The following POTEB3 variants were observed in gnomAD, a reference collection of about 807,000 sequenced individuals.
POTEB3 encodes POTE ankyrin domain family member B3, also known as ANKRD26-like family B member 1.
A neutral mutation model predicts 39.8 loss-of-function variants in POTEB3; 5 were observed. The ratio of observed to expected loss-of-function variants is 0.13; its 90% confidence interval spans 0.07 to 0.26. The LOEUF is 0.26. POTEB3 is among the 10% of genes least tolerant of loss of function. The pLI, the probability that POTEB3 is intolerant of heterozygous loss-of-function variation, is 1.00. For missense variants in POTEB3, 24 were observed against 475.6 expected (o/e 0.05, Z 8.83); for synonymous variants, 5 against 161.5 (o/e 0.03, Z 7.35).
At chr15:21,428,408 T>C (rs1409566102) in intron 5 of POTEB3, among the ~76,000 whole-genome samples, 1 of 144,894 alleles carries the variant, frequency 6.9e-6, no homozygotes, top group Non-Finnish European at 1.5e-5. Flanking sequence ...TGTAACTAAA[T>C]TTTTTCATAA....
chr15:21,434,064 C>A (rs200289736), intron 3 of POTEB3, among the ~76,000 whole-genome samples: 5,767 of 92,384 alleles, frequency 0.062, 108 homozygotes, highest in African/African-American at 0.17. Flanking sequence ...CACACACACA[C>A]AAACAAAAAC....
chr15:21,409,978 C>CA (rs1391148765), intron 10 of POTEB3, among the ~76,000 whole-genome samples: 3 of 48,736 alleles, frequency 6.2e-5, no homozygotes, highest in African/African-American at 2.0e-4. Flanking sequence ...ATCTAGAATA[C>CA]ACACACACAC....
chr15:21,420,024 A>G (rs1414507075), intron 8 of POTEB3, among the ~76,000 whole-genome samples: 1 of 91,556 alleles, frequency 1.1e-5, no homozygotes, highest in Non-Finnish European at 2.2e-5. Flanking sequence ...TTCTGTCTTT[A>G]CCACCTAGAT....
intron 6 of POTEB3, among the ~76,000 whole-genome samples, chr15:21,423,362 G>T (rs1488090532): frequency 7.2e-5 from 6 of 83,124 alleles, no homozygotes; most frequent in Non-Finnish European, 1.5e-4. Context: ...CTCCCAAAAT[G>T]CTGCAATTAC....
rs1441449338 is a variant in POTEB3 at position 21,407,565 on chromosome 15, G to T, written c.*1418C>A. 1.2e-5 allele frequency among the ~76,000 whole-genome samples: 1 copy of T among 86,382 alleles called. No individual in the cohort carries two copies. The highest frequency in any genetic ancestry group is 3.0e-4 in the East Asian group (1 of 3,342). The allele number at this position is 86,382 out of a possible 152,430, so 56.7% of individuals were successfully genotyped here. On this transcript the variant is annotated 3_prime_UTR_variant, in exon 11 of 11. Coordinates refer to ENST00000611217, the MANE Select transcript of POTEB3 (RefSeq NM_207355.5). ...ACGGTCTGCTTGTACAGAAGCTATG[G>T]TGTGGGCACCCAAAAGTGCCCTCTA...
chr15:21,413,550 A>ATATGTATG (rs1555369173), intron 9 of POTEB3, among the ~76,000 whole-genome samples: 2 of 27,204 alleles, frequency 7.4e-5, no homozygotes, highest in East Asian at 1.3e-3. Context: ...ATATATATAT[A>ATATGTATG]TATGTATGTA....
Position 21,406,152 on chromosome 15 carries a change from G to A in POTEB3, c.*2831C>T, listed in dbSNP as rs7165553. Among the ~76,000 whole-genome samples, 4 of 69,776 alleles carry A rather than the reference G, an allele frequency of 5.7e-5. No homozygotes were observed. Among genetic ancestry groups the A allele is most frequent in the South Asian group, 7.0e-4 (2 of 2,850 alleles). The allele number at this position is 69,776 out of a possible 152,430, so 45.8% of individuals were successfully genotyped here. A position where few individuals can be genotyped will look rare whatever the true frequency, so the allele number is the denominator to read the frequency against. The stretch of plus-strand genomic sequence containing the variant: ...TCGTTTATATAATCCCATATTTCTC[G>A]GATGTTTTGTTCATTCCCTTTCATT... On this transcript the variant is annotated 3_prime_UTR_variant, in exon 11 of 11. Coordinates refer to ENST00000611217, the MANE Select transcript of POTEB3 (RefSeq NM_207355.5).
Position 21,405,671 on chromosome 15 carries a change from G to T in POTEB3, c.*3312C>A, listed in dbSNP as rs1898217087. 2.4e-5 allele frequency among the ~76,000 whole-genome samples: 2 copies of T among 82,084 alleles called. 1 individual carries two copies. Among genetic ancestry groups the T allele is most frequent in the East Asian group, 7.1e-4 (2 of 2,810 alleles). 53.9% of individuals were successfully genotyped at this position (82,084 alleles called of 152,430 possible). A position where few individuals can be genotyped will look rare whatever the true frequency, so the allele number is the denominator to read the frequency against. On this transcript the variant is annotated 3_prime_UTR_variant, in exon 11 of 11. Coordinates refer to ENST00000611217, the MANE Select transcript of POTEB3 (RefSeq NM_207355.5). ...TGCTTCCTTCAGGAGCTCTTGTAAG[G>T]TAGGTCTGGTGATAATGAATTCCCT...
chr15:21,422,901 G>C (rs1243012145), intron 6 of POTEB3, among the ~76,000 whole-genome samples: 1 of 147,710 alleles, frequency 6.8e-6, no homozygotes, highest in African/African-American at 2.5e-5. Context: ...TCAGCTTTTT[G>C]ATGCAAATCC....
intron 3 of POTEB3, among the ~76,000 whole-genome samples, chr15:21,434,066 A>C (rs199719630): frequency 5.1e-4 from 51 of 100,022 alleles, no homozygotes; most frequent in East Asian, 1.2e-3. Flanking sequence ...CACACACACA[A>C]ACAAAAACAA....
chr15:21,410,729 G>A lies in POTEB3; in HGVS notation c.1533+149C>T, dbSNP rs1289014642. ...ATATGACCAAGGATATACAGGGGGTGTGTGTGTGTGTGTGTATATATACAC... is the reference window on the plus strand; with the variant it reads ...ATATGACCAAGGATATACAGGGGGTATGTGTGTGTGTGTGTATATATACAC... On this transcript the variant is annotated intron_variant, in intron 10 of 10. Transcript: ENST00000611217. 3.2e-4 allele frequency: 151 copies of A among 468,728 alleles called. 26 individuals carry two copies. Among genetic ancestry groups the A allele is most frequent in the Non-Finnish European group, 4.4e-4 (141 of 323,852 alleles). 29.0% of individuals were successfully genotyped at this position (468,728 alleles called of 1,614,324 possible). A position where few individuals can be genotyped will look rare whatever the true frequency, so the allele number is the denominator to read the frequency against.
At chr15:21,418,197 C>CA (rs1403638635) in intron 9 of POTEB3, among the ~76,000 whole-genome samples, 23 of 68,632 alleles carry the variant, frequency 3.4e-4, no homozygotes, top group Middle Eastern at 5.4e-3. Context: ...GACCCTGTCT[C>CA]AAAAAAAATA....
At chr15:21,423,226 G>A (rs201137181) in intron 6 of POTEB3, among the ~76,000 whole-genome samples, 8 of 116,352 alleles carry the variant, frequency 6.9e-5, no homozygotes, top group South Asian at 2.9e-4. Flanking sequence ...TCAGTCTCCT[G>A]AGAAGCTGTG....
rs200535692 is a variant in POTEB3, at chr15:21,437,946, A to G, written c.521+1545T>C. ...ATTTTTAGTAGAAATGGGTTTCACC[A>G]TGCTGGCCAGGCTAGTATCAAACTC... On this transcript the variant is annotated intron_variant, in intron 1 of 10. Coordinates refer to ENST00000611217, the MANE Select transcript of POTEB3 (RefSeq NM_207355.5). Among the ~76,000 whole-genome samples the G allele has an allele frequency of 3.6e-3, 180 of 49,962 alleles. 1 individual carries two copies. Among genetic ancestry groups the G allele is most frequent in the East Asian group, 9.5e-3 (19 of 1,992 alleles). The allele number at this position is 49,962 out of a possible 152,430, so 32.8% of individuals were successfully genotyped here.
intron 6 of POTEB3, among the ~76,000 whole-genome samples, chr15:21,426,483 G>A (rs1898715321): frequency 2.0e-5 from 3 of 148,304 alleles, no homozygotes; most frequent in South Asian, 2.1e-4. Flanking sequence ...GTGTTCTGTA[G>A]CATTAGAAAA....
intron 6 of POTEB3, 49 bp from the exon 7 acceptor site, chr15:21,422,239 TAAAAA>T (rs1898537044): frequency 1.9e-6 from 3 of 1,571,350 alleles, no homozygotes; most frequent in Non-Finnish European, 2.6e-6. Context: ...TTAGAACAGT[TAAAAA>T]CTATTGCCTT....
chr15:21,434,287 G>T, intron 3 of POTEB3, among the ~76,000 whole-genome samples: 1 of 128,742 alleles, frequency 7.8e-6, no homozygotes, highest in South Asian at 2.4e-4. Flanking sequence ...ACTATTCACT[G>T]AAACATGTTT....
intron 3 of POTEB3, among the ~76,000 whole-genome samples, chr15:21,433,347 C>G (rs1460068078): frequency 6.7e-6 from 1 of 150,362 alleles, no homozygotes; most frequent in African/African-American, 2.5e-5. Flanking sequence ...CTCAGCCTCC[C>G]TAGCAGCTGG....
intron 8 of POTEB3, among the ~76,000 whole-genome samples, chr15:21,419,971 C>T (rs12438296): frequency 0.049 from 4,416 of 89,762 alleles, 14 homozygotes; most frequent in Middle Eastern, 0.067. Context: ...CCATTTGACT[C>T]GTGGGAACAC....
Sources: allele counts gnomAD v4.1 joint callset (sites outside exome capture counted in the v4.1 genomes callset), GRCh38; gene constraint gnomAD v4.1.1; transcripts MANE v1.5; gene names NCBI Gene and HGNC (gene_info 2026-07-23, HGNC 2026-07-21).